Variants in SYNRG observed in about 807,000 individuals in gnomAD.
The protein encoded by SYNRG is AP1 gamma subunit binding protein 1.
SYNRG carries 37 observed loss-of-function variants against 130.9 expected under a neutral mutation model. The ratio of observed to expected loss-of-function variants is 0.28; its 90% CI spans 0.22 to 0.37. The LOEUF (loss-of-function observed/expected upper bound fraction) is 0.37. Ranked by LOEUF, SYNRG falls within the 10% of genes least tolerant of loss-of-function variation. SYNRG has a pLI of 1.00. For synonymous variants in SYNRG, 539 were observed against 568.1 expected, an observed-to-expected ratio of 0.95 and a Z score of 0.73; for missense variants, 1,338 against 1,588.9, an observed-to-expected ratio of 0.84 and a Z score of 2.68.
intron 5 of SYNRG, 42 bp downstream of exon 5, chr17:37,585,283 G>C: frequency 6.7e-7 from 1 of 1,481,540 alleles, no homozygotes. Flanking sequence ...GGCACATTCA[G>C]GGTGTGTATG....
intron 16 of SYNRG, 70 bp from the exon 17 acceptor site, chr17:37,539,315 T>C (rs2144759746): frequency 6.6e-7 from 1 of 1,507,794 alleles, no homozygotes; most frequent in Non-Finnish European, 9.2e-7. Flanking sequence ...ACTCTGTCAA[T>C]TCAAAGTGCT....
At chr17:37,572,105 G>T in intron 8 of SYNRG, 118 bp from the exon 9 acceptor site, 1 of 844,728 alleles carries the variant, frequency 1.2e-6, no homozygotes, top group South Asian at 1.8e-5. Context: ...TAGAACCGAA[G>T]CCATGTCAGG....
rs67822733 is a variant in SYNRG, at chr17:37,607,955, C to CAAAAAAAAAA, written c.77+1314_77+1323dup. Among the ~76,000 whole-genome samples the CAAAAAAAAAA allele has an allele frequency of 1.2e-3, 59 of 51,082 alleles. 1 individual carries two copies. Among genetic ancestry groups the CAAAAAAAAAA allele is most frequent in the Admixed American group, 2.0e-3 (7 of 3,450 alleles). The allele number at this position is 51,082 out of a possible 152,430, so 33.5% of individuals were successfully genotyped here. A position where few individuals can be genotyped will look rare whatever the true frequency, so the allele number is the denominator to read the frequency against. On this transcript the variant is annotated intron_variant, in intron 1 of 21. Transcript: ENST00000612223. The stretch of plus-strand genomic sequence containing the variant: ...TGGGCAACAGAGCAAGACTTCCTCT[C>CAAAAAAAAAA]AAAAAAAAAAAAAAAAAAAAAAAAA...
intron 11 of SYNRG, among the ~76,000 whole-genome samples, chr17:37,562,268 A>G (rs1568396497): frequency 6.6e-6 from 1 of 152,260 alleles, no homozygotes; most frequent in Non-Finnish European, 1.5e-5. Flanking sequence ...TCACTTCAAA[A>G]TTAGATAAAG....
intron 8 of SYNRG, 44 bp from the exon 9 acceptor site, chr17:37,572,031 G>C: frequency 6.6e-7 from 1 of 1,526,704 alleles, no homozygotes; most frequent in Non-Finnish European, 8.9e-7. Context: ...CACATTCCAA[G>C]TGATTTATTT....
intron 2 of SYNRG, among the ~76,000 whole-genome samples, chr17:37,599,682 C>T (rs1018739574): frequency 6.6e-6 from 1 of 152,064 alleles, no homozygotes; most frequent in Non-Finnish European, 1.5e-5. Flanking sequence ...GACTGTGCCA[C>T]TTATACTCCA....
intron 15 of SYNRG, 71 bp downstream of exon 15, chr17:37,541,901 A>G (rs2057797187): frequency 2.2e-6 from 3 of 1,384,032 alleles, no homozygotes; most frequent in Admixed American, 4.2e-5. Context: ...GCAACATTTT[A>G]TTCTTAAGAA....
chr17:37,544,304 GT>G lies in SYNRG; in HGVS notation c.2609-1740del, dbSNP rs767642773. On this transcript the variant is annotated intron_variant, in intron 14 of 21. Transcript: ENST00000612223. ...AAGGAAAAAACGACTCAGGTGAAAA[GT>G]TTTTTTTTTTTTTTAATTGATTTTT... is the stretch of plus-strand genomic sequence containing the variant. Among the ~76,000 whole-genome samples the G allele has an allele frequency of 2.5e-3, 353 of 140,618 alleles. 3 individuals carry two copies. The highest frequency in any genetic ancestry group is 4.6e-3 in the African/African-American group (178 of 38,452). 92.3% of individuals were successfully genotyped at this position (140,618 alleles called of 152,430 possible).
intron 3 of SYNRG, among the ~76,000 whole-genome samples, chr17:37,589,662 C>T (rs761821124): frequency 1.7e-4 from 25 of 151,208 alleles, no homozygotes; most frequent in Non-Finnish European, 3.1e-4. Context: ...GGCAGGAGAA[C>T]GGTGTGAACC....
At chr17:37,530,224 T>C (rs1458916943) in intron 19 of SYNRG, among the ~76,000 whole-genome samples, 6 of 152,190 alleles carry the variant, frequency 3.9e-5, no homozygotes, top group Non-Finnish European at 8.8e-5. Flanking sequence ...CTTCTGACTT[T>C]CAGAATAAAC....
At chr17:37,570,165 T>TA (rs71135745) in intron 10 of SYNRG, among the ~76,000 whole-genome samples, 1 of 104,476 alleles carries the variant, frequency 9.6e-6, no homozygotes, top group Admixed American at 9.6e-5. Context: ...TTTTTTTTTT[T>TA]AAACTCAGTC....
At chr17:37,535,541 C>T (rs1452801133) in intron 19 of SYNRG, among the ~76,000 whole-genome samples, 2 of 151,960 alleles carry the variant, frequency 1.3e-5, no homozygotes, top group East Asian at 1.9e-4. Flanking sequence ...GAGAACTACT[C>T]GTAACAGGGA....
chr17:37,552,393 G>T (rs968277231), intron 14 of SYNRG, among the ~76,000 whole-genome samples: 20 of 152,238 alleles, frequency 1.3e-4, no homozygotes, highest in African/African-American at 4.8e-4. Context: ...AATTTAAAGA[G>T]GGCTCCCTAA....
chr17:37,567,424 G>T (rs2060079185), intron 11 of SYNRG: 1 of 152,224 alleles, frequency 6.6e-6, no homozygotes, highest in Non-Finnish European at 1.5e-5. Context: ...CAGTGAATTT[G>T]AGGTGCCTTG....
rs757447055 is a variant in SYNRG at position 37,600,373 on chromosome 17, T to C, written c.108A>G (p.Arg36=). 10 of 1,612,524 alleles carry C rather than the reference T, an allele frequency of 6.2e-6. No homozygotes were observed. Among genetic ancestry groups the C allele is most frequent in the Non-Finnish European group, 8.5e-6 (10 of 1,179,652 alleles). The change falls in exon 2 of 22, where the codon AGA becomes AGG. Residue 36 remains arginine (R), a synonymous_variant. Coordinates refer to ENST00000612223, the MANE Select transcript of SYNRG (RefSeq NM_007247.6). ...GFMFPVAGGI[R]PPQAGLMPMQ... ...TAAGCTCTCACATACCTTGAGGGGG[T>C]CTTATCCCACCTGCAACAGGAAACA...
intron 1 of SYNRG, chr17:37,606,038 C>T (rs998089558): frequency 3.1e-6 from 3 of 979,488 alleles, no homozygotes; most frequent in East Asian, 1.1e-4. Context: ...TTTAGCAAGA[C>T]GCACCCCTGA....
chr17:37,561,551 GCTTTA>G lies in SYNRG; in HGVS notation c.1515_1519del (p.Lys506IlefsTer11). 1 of 1,613,518 alleles carries G rather than the reference GCTTTA, an allele frequency of 6.2e-7. No individual in the cohort carries two copies. The highest frequency in any genetic ancestry group is 8.5e-7 in the Non-Finnish European group (1 of 1,179,580). On this transcript the variant is annotated frameshift_variant, in exon 12 of 22. Transcript: ENST00000612223. LOFTEE classifies it high-confidence loss of function. The stretch of plus-strand genomic sequence containing the variant: ...AGCATATTTGTCCATTGAAGGCAAT[GCTTTA>G]GTTCCAGGAAGTGGCATCAACAAAG...
At chr17:37,584,254 G>C (rs1355810073) in intron 6 of SYNRG, 2 of 157,516 alleles carry the variant, frequency 1.3e-5, no homozygotes, top group Non-Finnish European at 2.8e-5. Flanking sequence ...TTAAGAATTT[G>C]TAAGTTTAAT....
At chr17:37,557,633 T>C (rs550944385) in intron 13 of SYNRG, among the ~76,000 whole-genome samples, 2 of 152,126 alleles carry the variant, frequency 1.3e-5, no homozygotes, top group African/African-American at 4.8e-5. Context: ...AATCCCAGCA[T>C]TTTGGGAGGC....
Sources: allele counts gnomAD v4.1 joint callset (sites outside exome capture counted in the v4.1 genomes callset), GRCh38; gene constraint gnomAD v4.1.1; transcripts MANE v1.5; gene names NCBI Gene and HGNC (gene_info 2026-07-23, HGNC 2026-07-21).